Variants in ARHGEF17 observed in about 807,000 individuals in gnomAD.
ARHGEF17 encodes Rho guanine nucleotide exchange factor 17.
Under a neutral mutation model 174.0 loss-of-function variants are expected in ARHGEF17, and 80 were observed. The ratio of observed to expected loss-of-function variants is 0.46; its 90% confidence interval spans 0.38 to 0.55. The LOEUF (loss-of-function observed/expected upper bound fraction) is 0.55, where lower values mean the gene tolerates loss of function less well. Among genes scored for constraint, ARHGEF17 ranks in the 20% least tolerant of loss-of-function variants. ARHGEF17 has a pLI of 0.00. For synonymous variants in ARHGEF17, 1,311 were observed against 1,189.1 expected (o/e 1.10, Z -2.11); for missense variants, 2,886 against 2,839.7 (o/e 1.02, Z -0.37).
At chr11:73,312,463 A>G (rs1352342680) in intron 1 of ARHGEF17, among the ~76,000 whole-genome samples, 1 of 152,100 alleles carries the variant, frequency 6.6e-6, no homozygotes, top group Non-Finnish European at 1.5e-5. Context: ...AATCTCCCCA[A>G]TCAGGGGAGA....
intron 1 of ARHGEF17, among the ~76,000 whole-genome samples, chr11:73,341,047 GCC>G (rs1479280435): frequency 6.6e-6 from 1 of 152,192 alleles, no homozygotes; most frequent in Non-Finnish European, 1.5e-5. Context: ...TGTTTATTAA[GCC>G]AGCCTTCCTT....
In ARHGEF17 at chr11:73,368,126, C is replaced by T; in HGVS notation, c.*346C>T. On this transcript the variant is annotated 3_prime_UTR_variant, in exon 21 of 21. Coordinates refer to ENST00000263674, the MANE Select transcript of ARHGEF17 (RefSeq NM_014786.4). ...CCATGTGCAATATTTGGAGGGTTTT[C>T]TGGAGGGCAGCAGGAAGGCTGGGGA... 1 of 241,640 alleles carries T rather than the reference C, an allele frequency of 4.1e-6. No individual in the cohort carries two copies. Among genetic ancestry groups the T allele is most frequent in the Non-Finnish European group, 8.0e-6 (1 of 124,238 alleles). 15.0% of individuals were successfully genotyped at this position (241,640 alleles called of 1,614,324 possible).
Position 73,363,207 on chromosome 11 carries a change from TGAG to T in ARHGEF17, c.5002_5004del (p.Glu1668del). On this transcript the variant is annotated inframe_deletion and splice_region_variant, in exon 15 of 21. Transcript: ENST00000263674. ...GACAGAGACCTTTGTCTCCCTCAGA[TGAG>T]GAGACCCCGAGTTCCAAGGAGGCCA... 1.3e-6 allele frequency: 2 copies of T among 1,557,664 alleles called. No homozygotes were observed. Among genetic ancestry groups the T allele is most frequent in the Non-Finnish European group, 1.7e-6 (2 of 1,150,114 alleles).
Position 73,308,504 on chromosome 11 carries a change from C to G in ARHGEF17, c.-135C>G. 5.2e-6 allele frequency: 4 copies of G among 763,940 alleles called. No homozygotes were observed. The highest frequency in any genetic ancestry group is 7.5e-6 in the Non-Finnish European group (4 of 535,760). The allele number at this position is 763,940 out of a possible 1,614,324, so 47.3% of individuals were successfully genotyped here. On this transcript the variant is annotated 5_prime_UTR_variant, in exon 1 of 21. Coordinates refer to ENST00000263674, the MANE Select transcript of ARHGEF17 (RefSeq NM_014786.4). ...AGCCGCGGCAGAGAAACCTCTGCTC[C>G]GGTCTCTGCGTCCTCTTCCCACACT...
Position 73,356,236 on chromosome 11 carries a change from G to T in ARHGEF17, c.3725G>T (p.Arg1242Leu). 1 of 1,613,936 alleles carries T rather than the reference G, an allele frequency of 6.2e-7. No homozygotes were observed. The highest frequency in any genetic ancestry group is 8.5e-7 in the Non-Finnish European group (1 of 1,180,028). Residue 1242 changes from arginine to leucine, a missense_variant, in exon 6 of 21, where the codon CGG becomes CTG. Physicochemically the swap from Arg to Leu is moderately radical, Grantham distance 102 (BLOSUM62 -2). This residue lies in a region of ARHGEF17 where 353 missense variants were observed against 470.3 expected (regional missense o/e 0.75). Coordinates refer to ENST00000263674, the MANE Select transcript of ARHGEF17 (RefSeq NM_014786.4). Reference protein sequence around the residue: ...PDHPLLLEAQRNIKQVAERIN... With the variant: ...PDHPLLLEAQLNIKQVAERIN... ...CATCCACTCCTGCTGGAGGCGCAGC[G>T]GAACATCAAGCAGGTGGCTGAGCGC...
At chr11:73,352,769 T>G in intron 2 of ARHGEF17, 61 bp from the exon 3 acceptor site, 3 of 1,586,076 alleles carry the variant, frequency 1.9e-6, no homozygotes, top group Non-Finnish European at 2.6e-6. Context: ...AGGGGCCCTG[T>G]GTAGGTGTGG....
In ARHGEF17 at chr11:73,311,016, G is replaced by A. The variant is rs1191430184; in HGVS notation, c.2378G>A (p.Ser793Asn). ...HSDWSVGSEESKGYQEVIQSI... is the reference protein window; with the variant it reads ...HSDWSVGSEENKGYQEVIQSI... ...GACTGGTCTGTGGGCAGTGAAGAGA[G>A]CAAGGGATATCAGGAGGTTATTCAG... The change falls in exon 1 of 21, where the codon AGC (serine) becomes AAC (asparagine). Residue 793 changes from serine (S) to asparagine (N), a missense_variant. This residue lies in a region of ARHGEF17 where 1,728 missense variants were observed against 1,461.2 expected (regional missense o/e 1.18). Coordinates refer to ENST00000263674, the MANE Select transcript of ARHGEF17 (RefSeq NM_014786.4). 1.9e-6 allele frequency: 3 copies of A among 1,614,102 alleles called. No individual in the cohort carries two copies. The highest frequency in any genetic ancestry group is 1.7e-6 in the Non-Finnish European group (2 of 1,180,038).
Position 73,364,196 on chromosome 11 carries a change from G to C in ARHGEF17, c.5358G>C (p.Val1786=). The change falls in exon 17 of 21, where the codon GTG becomes GTC. Residue 1786 remains valine, a synonymous_variant. Transcript: ENST00000263674. ...GGTATCTGAATAACCAGGTGTTTGT[G>C]TCTCTGGCCAATGGAGAGCTTGTGG... ...CILYLNNQVF[V]SLANGELVVY... The C allele has an allele frequency of 6.2e-7, 1 of 1,614,142 alleles. No individual in the cohort carries two copies. The highest frequency in any genetic ancestry group is 8.5e-7 in the Non-Finnish European group (1 of 1,180,026).
At chr11:73,364,312 G>A in intron 17 of ARHGEF17, 73 bp downstream of exon 17, 1 of 1,604,188 alleles carries the variant, frequency 6.2e-7, no homozygotes, top group Non-Finnish European at 8.5e-7. Context: ...TGGAGATGTG[G>A]CTTTGGGCAA....
Position 73,309,614 on chromosome 11 carries a change from A to C in ARHGEF17, c.976A>C (p.Ser326Arg), listed in dbSNP as rs1374613702. ...SSMNSAGVSG[S>R]PEPPTSPRAP... ...CATGAACTCAGCAGGGGTTTCTGGG[A>C]GCCCTGAGCCCCCAACATCTCCAAG... is the stretch of plus-strand genomic sequence containing the variant. The change falls in exon 1 of 21, where the codon AGC becomes CGC. Residue 326 changes from serine to arginine, a missense_variant. Coordinates refer to ENST00000263674, the MANE Select transcript of ARHGEF17 (RefSeq NM_014786.4). 6.2e-7 allele frequency: 1 copy of C among 1,613,038 alleles called. No individual in the cohort carries two copies. Among genetic ancestry groups the C allele is most frequent in the Non-Finnish European group, 8.5e-7 (1 of 1,180,004 alleles).
Position 73,364,579 on chromosome 11 carries a change from C to T in ARHGEF17, c.5529C>T (p.Ser1843=), listed in dbSNP as rs1402605119. ...GCCAGAACCGAGTCCTTGTCCTGAG[C>T]CCTGACACGCTGCAGCTGGAGGTAG... is the stretch of plus-strand genomic sequence containing the variant. ...CGCQNRVLVL[S]PDTLQLEHMF... The change falls in exon 18 of 21, where the codon AGC becomes AGT. Residue 1843 remains serine, a synonymous_variant. Coordinates refer to ENST00000263674, the MANE Select transcript of ARHGEF17 (RefSeq NM_014786.4). 1 of 1,610,838 alleles carries T rather than the reference C, an allele frequency of 6.2e-7. No individual in the cohort carries two copies.
rs750001062 is a variant in ARHGEF17 at position 73,368,514 on chromosome 11, A to T, written c.*734A>T. 1.3e-5 allele frequency: 2 copies of T among 152,186 alleles called. No individual in the cohort carries two copies. The highest frequency in any genetic ancestry group is 2.4e-5 in the African/African-American group (1 of 41,434). The allele number at this position is 152,186 out of a possible 1,614,324, so 9.4% of individuals were successfully genotyped here. A position where few individuals can be genotyped will look rare whatever the true frequency, so the allele number is the denominator to read the frequency against. ...AGTGATTGCCATCTGGGGACCTGTC[A>T]GGCTTTGTCATTTCCCAGTTTGTTG... On this transcript the variant is annotated 3_prime_UTR_variant, in exon 21 of 21. Transcript: ENST00000263674.
At chr11:73,324,269 T>C (rs759512182) in intron 1 of ARHGEF17, among the ~76,000 whole-genome samples, 1 of 152,132 alleles carries the variant, frequency 6.6e-6, no homozygotes, top group Non-Finnish European at 1.5e-5. Flanking sequence ...AATGCTTGAT[T>C]CTGGTCGGGT....
intron 1 of ARHGEF17, among the ~76,000 whole-genome samples, chr11:73,325,467 T>G (rs1194818580): frequency 2.6e-5 from 4 of 152,168 alleles, no homozygotes; most frequent in East Asian, 3.9e-4. Context: ...TCCCACACTG[T>G]GGGGTAAGCT....
chr11:73,365,348 G>C lies in ARHGEF17; in HGVS notation c.5551-42G>C, dbSNP rs757341183. The C allele has an allele frequency of 3.1e-6, 5 of 1,609,484 alleles. No homozygotes were observed. In the Admixed American group the frequency reaches 8.4e-5, roughly 27 times the overall value. On this transcript the variant is annotated intron_variant, in intron 18 of 20. Coordinates refer to ENST00000263674, the MANE Select transcript of ARHGEF17 (RefSeq NM_014786.4). This position sits in a 1 kb window ranked among gnomAD's most constrained non-coding sequence, Gnocchi z 4.9. ...TCCAGGCTAGGGTGGGCCAAGGGAG[G>C]CAGGCCTGCCAATGACCCATCTTCT...
chr11:73,366,210 C>T (rs1865836286), intron 20 of ARHGEF17, among the ~76,000 whole-genome samples: 1 of 151,862 alleles, frequency 6.6e-6, no homozygotes, highest in Non-Finnish European at 1.5e-5. Context: ...AGGGAGGGAA[C>T]TATAACCTAA....
At chr11:73,332,395 GTGTGTGTGTGTGTA>G (rs780612478) in intron 1 of ARHGEF17, among the ~76,000 whole-genome samples, 3,364 of 124,230 alleles carry the variant, frequency 0.027, 98 homozygotes, top group Middle Eastern at 0.034. Flanking sequence ...GTGTGTGTGT[GTGTGTGTGTGTGTA>G]TTTTAAATAA....
rs539560022 is a variant in ARHGEF17 at position 73,345,962 on chromosome 11, A to AT, written c.3193-917dup. 7.9e-5 allele frequency among the ~76,000 whole-genome samples: 12 copies of AT among 151,678 alleles called. No homozygotes were observed. In the South Asian group the frequency reaches 2.1e-3, roughly 26 times the overall value. On this transcript the variant is annotated intron_variant, in intron 1 of 20. Coordinates refer to ENST00000263674, the MANE Select transcript of ARHGEF17 (RefSeq NM_014786.4). ...CTGGGAAGGCTTCCTGGAGGTGGGG[A>AT]TTTTGAGGGGAGAGGTGTAGGGACT...
intron 1 of ARHGEF17, among the ~76,000 whole-genome samples, chr11:73,320,472 T>TA (rs562549045): frequency 2.3e-3 from 308 of 136,284 alleles, no homozygotes; most frequent in Non-Finnish European, 2.3e-3. Flanking sequence ...CTGTCTCCAC[T>TA]AAAAAAAAAA....
Sources: gnomAD v4.1 joint callset for allele counts (sites outside exome capture counted in the v4.1 genomes callset) on GRCh38, gnomAD v4.1.1 for gene constraint, gnomAD v4.1.1 regional missense constraint, Gnocchi (gnomAD v3.1) non-coding constraint, MANE v1.5 for transcripts, NCBI Gene and HGNC (gene_info 2026-07-23, HGNC 2026-07-21) for gene names.